CNOT1: variants seen among roughly 807,000 people sequenced by gnomAD.
CNOT1 encodes the protein CCR4-associated factor 1.
CNOT1 carries 15 observed loss-of-function variants against 273.8 expected under a neutral mutation model. That is an observed-to-expected ratio of 0.05 (90% CI 0.04 to 0.08). The LOEUF is 0.08. CNOT1 is among the 10% of genes least tolerant of loss of function. The pLI is 1.00. For synonymous variants in CNOT1, 1,022 were observed against 1,005.5 expected (o/e 1.02, Z -0.31); for missense variants, 1,644 against 2,912.2 (o/e 0.56, Z 10.02).
chr16:58,611,581 G>A (rs1306855494), intron 1 of CNOT1, among the ~76,000 whole-genome samples: 1 of 152,144 alleles, frequency 6.6e-6, no homozygotes, highest in East Asian at 1.9e-4. Flanking sequence ...AACACTTTGG[G>A]AGGCCAAGGA....
chr16:58,578,889 T>G lies in CNOT1; in HGVS notation c.1394A>C (p.Gln465Pro), dbSNP rs772646912. The G allele has an allele frequency of 2.2e-5, 35 of 1,614,222 alleles. No individual in the cohort carries two copies. Among genetic ancestry groups the G allele is most frequent in the Non-Finnish European group, 3.0e-5 (35 of 1,180,042 alleles). Residue 465 changes from glutamine to proline, a missense_variant, in exon 13 of 49, where the codon CAG becomes CCG. By Grantham distance (76) the Gln-to-Pro change is moderately conservative. Around this residue, in one of 13 missense-constraint regions of CNOT1, gnomAD observed 706 missense variants for 1,021.2 expected, o/e 0.69. Coordinates refer to ENST00000317147, the MANE Select transcript of CNOT1 (RefSeq NM_016284.5). ...ESLLRLAEVG[Q>P]YEQVKQLFSF... The stretch of plus-strand genomic sequence containing the variant: ...GAAGAGCTGTTTGACTTGCTCATAC[T>G]GCCCAACCTCTGCAAGCCTCAGCAG...
chr16:58,545,436 CTGTGGT>C lies in CNOT1; in HGVS notation c.4056_4061del (p.Pro1355_Gln1356del), dbSNP rs2040227798. The C allele has an allele frequency of 6.2e-7, 1 of 1,614,006 alleles. No homozygotes were observed. Among genetic ancestry groups the C allele is most frequent in the Non-Finnish European group, 8.5e-7 (1 of 1,179,972 alleles). On this transcript the variant is annotated inframe_deletion, in exon 30 of 49. Transcript: ENST00000317147. ...TGATGTCGTGGTAGCTGTACTGTGG[CTGTGGT>C]GGAACCGTGGCTGTACAAGTGGTGT... is the stretch of plus-strand genomic sequence containing the variant.
Position 58,521,381 on chromosome 16 carries a change from ATTAC to A in CNOT1, c.6918-68_6918-65del. 3.3e-6 allele frequency: 5 copies of A among 1,515,002 alleles called. No individual in the cohort carries two copies. In the South Asian group the frequency reaches 3.8e-5, roughly 11 times the overall value. 93.8% of individuals were successfully genotyped at this position (1,515,002 alleles called of 1,614,324 possible). A position where few individuals can be genotyped will look rare whatever the true frequency, so the allele number is the denominator to read the frequency against. ...CATACAAATTCATGATTATTCTTCC[ATTAC>A]TTTTTTTCTAACTTCTCCCTGACTA... On this transcript the variant is annotated intron_variant, in intron 47 of 48. Transcript: ENST00000317147.
intron 45 of CNOT1, 166 bp from the exon 46 acceptor site, chr16:58,525,525 A>C: frequency 1.6e-6 from 1 of 631,628 alleles, no homozygotes; most frequent in Non-Finnish European, 2.7e-6. Flanking sequence ...AGATGCTCCA[A>C]AGGTGGTTGT....
chr16:58,609,239 G>C (rs1344741423), intron 1 of CNOT1, among the ~76,000 whole-genome samples: 1 of 152,072 alleles, frequency 6.6e-6, no homozygotes, highest in Non-Finnish European at 1.5e-5. Flanking sequence ...AGGTGTGGTG[G>C]CACACACCTA....
intron 42 of CNOT1, among the ~76,000 whole-genome samples, chr16:58,531,494 C>T (rs992472119): frequency 2.1e-5 from 3 of 142,438 alleles, no homozygotes; most frequent in African/African-American, 7.5e-5. Context: ...GAGAGCCTTC[C>T]GCATTTAAAG....
At chr16:58,572,363 G>C (rs961226461) in intron 16 of CNOT1, among the ~76,000 whole-genome samples, 4 of 152,268 alleles carry the variant, frequency 2.6e-5, no homozygotes, top group Admixed American at 1.3e-4. Flanking sequence ...AGGTGCAGTA[G>C]CTCATGCCTG....
Position 58,523,364 on chromosome 16 carries a change from G to C in CNOT1, c.6917+6C>G. ...GAAGCATTTAAAAAATAAGCTGCTC[G>C]CTTACCTTGTGATCTGTTCTTGGAT... On this transcript the variant is annotated splice_donor_region_variant and intron_variant, in intron 47 of 48. Transcript: ENST00000317147. 2 of 1,569,188 alleles carry C rather than the reference G, an allele frequency of 1.3e-6. No individual in the cohort carries two copies. The highest frequency in any genetic ancestry group is 1.7e-6 in the Non-Finnish European group (2 of 1,156,942).
At chr16:58,521,341 G>A in intron 47 of CNOT1, 24 bp from the exon 48 acceptor site, 1 of 1,589,680 alleles carries the variant, frequency 6.3e-7, no homozygotes, top group Non-Finnish European at 8.5e-7. Context: ...GAAAGAGCTA[G>A]TTAATGTATA....
rs369972014 is a variant in CNOT1, at chr16:58,558,564, A to T, written c.2241T>A (p.Pro747=). ...PPNLGSAFST[P]QSPAKAFPPL... ...GTGGAAATGCTTTTGCTGGTGACTG[A>T]GGGGTACTGAATGCAGAACCCAAAT... Residue 747 remains proline, a synonymous_variant, in exon 18 of 49, where the codon CCT becomes CCA. Coordinates refer to ENST00000317147, the MANE Select transcript of CNOT1 (RefSeq NM_016284.5). 4.5e-5 allele frequency: 73 copies of T among 1,613,510 alleles called. No individual in the cohort carries two copies. The highest frequency in any genetic ancestry group is 5.8e-5 in the Non-Finnish European group (68 of 1,179,786).
At chr16:58,574,060 G>C (rs1412876349) in intron 16 of CNOT1, among the ~76,000 whole-genome samples, 1 of 151,732 alleles carries the variant, frequency 6.6e-6, no homozygotes, top group African/African-American at 2.4e-5. Context: ...AGATCAGCTC[G>C]GGCAACATAC....
At chr16:58,566,067 C>T (rs144666176) in intron 16 of CNOT1, among the ~76,000 whole-genome samples, 147 of 152,160 alleles carry the variant, frequency 9.7e-4, no homozygotes, top group Non-Finnish European at 1.1e-3. Context: ...CTTCTCAGTG[C>T]ATTTTATGAA....
chr16:58,590,595 C>CA (rs539552477), intron 2 of CNOT1, among the ~76,000 whole-genome samples: 2,628 of 135,614 alleles, frequency 0.019, 47 homozygotes, highest in African/African-American at 0.052. Flanking sequence ...ACTCTGTCTC[C>CA]AAAAAAAAAA....
intron 38 of CNOT1, among the ~76,000 whole-genome samples, chr16:58,537,570 A>G (rs1210553159): frequency 2.0e-5 from 3 of 152,180 alleles, no homozygotes; most frequent in Non-Finnish European, 2.9e-5. Flanking sequence ...AATTATTTCC[A>G]TTTTCTATAA....
chr16:58,527,787 C>A, intron 44 of CNOT1: 1 of 182,256 alleles, frequency 5.5e-6, no homozygotes, highest in Non-Finnish European at 1.2e-5. Flanking sequence ...GACCAAGGAA[C>A]AACTGCACAA....
At chr16:58,613,044 T>C (rs1270721802) in intron 1 of CNOT1, among the ~76,000 whole-genome samples, 7 of 152,048 alleles carry the variant, frequency 4.6e-5, no homozygotes, top group Non-Finnish European at 8.8e-5. Flanking sequence ...TAGAGGTTTT[T>C]TGTTTGTTTT....
In CNOT1 at chr16:58,585,505, ATCTG is replaced by A. The variant is rs1234590905; in HGVS notation, c.638-3_638del. The A allele has an allele frequency of 6.2e-7, 1 of 1,610,904 alleles. No individual in the cohort carries two copies. The highest frequency in any genetic ancestry group is 1.3e-5 in the African/African-American group (1 of 74,866). Reference sequence around the variant, plus strand: ...CCACGGGACAGCGTTCTTGGGGAAAATCTGAGAGAGGAAAAAGGTTACAACTGCT... The same window carrying A: ...CCACGGGACAGCGTTCTTGGGGAAAAAGAGAGGAAAAAGGTTACAACTGCT... On this transcript the variant is annotated splice_acceptor_variant and splice_polypyrimidine_tract_variant and coding_sequence_variant and intron_variant, in exon 8 of 49. Coordinates refer to ENST00000317147, the MANE Select transcript of CNOT1 (RefSeq NM_016284.5). LOFTEE classifies it high-confidence loss of function.
At chr16:58,533,133 A>G (rs1015500126) in intron 40 of CNOT1, 4 of 152,266 alleles carry the variant, frequency 2.6e-5, no homozygotes, top group African/African-American at 9.7e-5. Context: ...AAGGCACTAT[A>G]TTCTAAGACA....
intron 44 of CNOT1, chr16:58,528,014 G>A: frequency 5.5e-6 from 2 of 364,792 alleles, no homozygotes; most frequent in Non-Finnish European, 1.1e-5. Context: ...TTGGGAGGCT[G>A]AGGCGGGAGA....
Sources: allele counts gnomAD v4.1 joint callset (sites outside exome capture counted in the v4.1 genomes callset), GRCh38; gene constraint gnomAD v4.1.1; regional missense constraint gnomAD v4.1.1; transcripts MANE v1.5; gene names NCBI Gene and HGNC (gene_info 2026-07-23, HGNC 2026-07-21).